Variants in CNBD1 observed in about 807,000 individuals in gnomAD.
CNBD1 encodes the protein cyclic nucleotide binding domain containing 1.
A neutral mutation model predicts 54.4 loss-of-function variants in CNBD1; 71 were observed. The observed-to-expected ratio is 1.30, with a 90% CI of 1.08 to 1.59. CNBD1 has a LOEUF of 1.59. Ranked by LOEUF, CNBD1 falls within the 40% of genes most tolerant of loss-of-function variation. The probability of loss-of-function intolerance (pLI) is 0.00; values close to 1 mark genes in which losing one functional copy is unlikely to be tolerated. For synonymous variants in CNBD1, 182 were observed against 170.7 expected, an observed-to-expected ratio of 1.07 and a Z score of -0.51; for missense variants, 659 against 518.0, an observed-to-expected ratio of 1.27 and a Z score of -2.64.
intron 2 of CNBD1, among the ~76,000 whole-genome samples, chr8:87,422,220 A>G (rs1353934714): frequency 6.8e-6 from 1 of 146,978 alleles, no homozygotes; most frequent in Non-Finnish European, 1.5e-5. Flanking sequence ...CCCATTTTGT[A>G]GGTTGCCTGT....
chr8:87,045,519 A>G (rs7813296), intron 4 of CNBD1, among the ~76,000 whole-genome samples: 32,911 of 151,738 alleles, frequency 0.22, 3,635 homozygotes, highest in Non-Finnish European at 0.23. Flanking sequence ...AGGTCAGGAG[A>G]TCAAGACCAT....
chr8:86,961,655 C>G (rs1439236692), intron 4 of CNBD1, among the ~76,000 whole-genome samples: 1 of 152,190 alleles, frequency 6.6e-6, no homozygotes, highest in Non-Finnish European at 1.5e-5. Context: ...TGTCTCTGAC[C>G]TTAGGTAGGC....
At chr8:87,272,081 G>T (rs969509562) in intron 6 of CNBD1, among the ~76,000 whole-genome samples, 19 of 151,986 alleles carry the variant, frequency 1.3e-4, no homozygotes, top group African/African-American at 4.6e-4. Flanking sequence ...GGTTATCAGA[G>T]GCCAAGAAGG....
At chr8:86,904,834 A>G (rs1240774732) in intron 2 of CNBD1, among the ~76,000 whole-genome samples, 2 of 152,122 alleles carry the variant, frequency 1.3e-5, no homozygotes, top group Non-Finnish European at 2.9e-5. Context: ...AAAAAGACTG[A>G]ACTTCAAAAA....
rs181549350 is a variant in CNBD1, at chr8:87,162,948, A to G, written c.432-43045A>G. On this transcript the variant is annotated intron_variant, in intron 4 of 10. Transcript: ENST00000518476. ...GTCCCCTTATAAAAAGACTTGATAGAAAGAGTTTGTCTCATTTTTCCTTTC... is the reference window on the plus strand; with the variant it reads ...GTCCCCTTATAAAAAGACTTGATAGGAAGAGTTTGTCTCATTTTTCCTTTC... Among the ~76,000 whole-genome samples, 25 of 152,134 alleles carry G rather than the reference A, an allele frequency of 1.6e-4. No individual in the cohort carries two copies. In the East Asian group the frequency reaches 4.9e-3, roughly 30 times the overall value.
chr8:87,251,513 G>A lies in CNBD1; in HGVS notation c.771+14401G>A, dbSNP rs184175407. Among the ~76,000 whole-genome samples the A allele has an allele frequency of 5.9e-3, 888 of 151,776 alleles. 5 individuals are homozygous for A. Among genetic ancestry groups the A allele is most frequent in the African/African-American group, 0.011 (457 of 41,362 alleles). ...TGAGGCAGGAGAATCACTTGAACCC[G>A]GGAGGCAGAGGTTGCAGTGAGCCAA... On this transcript the variant is annotated intron_variant, in intron 6 of 10. Coordinates refer to ENST00000518476, the MANE Select transcript of CNBD1 (RefSeq NM_173538.3).
At chr8:87,267,082 C>T (rs1808273768) in intron 6 of CNBD1, among the ~76,000 whole-genome samples, 1 of 152,092 alleles carries the variant, frequency 6.6e-6, no homozygotes, top group Non-Finnish European at 1.5e-5. Context: ...AAGGCACACA[C>T]TGAGTGAAGA....
intron 3 of CNBD1, among the ~76,000 whole-genome samples, chr8:86,924,708 A>G (rs551937773): frequency 4.6e-5 from 7 of 152,310 alleles, no homozygotes; most frequent in South Asian, 4.1e-4. Flanking sequence ...ATTATTTTAT[A>G]AATACTTATT....
chr8:87,330,592 T>C (rs1165280336), intron 8 of CNBD1, among the ~76,000 whole-genome samples: 1 of 152,158 alleles, frequency 6.6e-6, no homozygotes, highest in Non-Finnish European at 1.5e-5. Context: ...TTTTCAGTTG[T>C]TCTGGATATC....
Position 87,163,258 on chromosome 8 carries a change from G to T in CNBD1, c.432-42735G>T, listed in dbSNP as rs1812894151. Among the ~76,000 whole-genome samples the T allele has an allele frequency of 6.6e-6, 1 of 151,920 alleles. No individual in the cohort carries two copies. Among genetic ancestry groups the T allele is most frequent in the Admixed American group, 6.6e-5 (1 of 15,216 alleles). ...ATAATTTGAAATCAGGAAGTGTGAT[G>T]TCCCCAGCTTTGTTTTTCTTGCTCA... On this transcript the variant is annotated intron_variant, in intron 4 of 10. Transcript: ENST00000518476. The surrounding 1 kb of genome is among the most constrained non-coding windows in gnomAD (Gnocchi z 4.5).
At chr8:87,301,786 T>TA (rs1372887593) in intron 8 of CNBD1, among the ~76,000 whole-genome samples, 6 of 151,620 alleles carry the variant, frequency 4.0e-5, no homozygotes, top group Non-Finnish European at 5.9e-5. Context: ...ATAGAGGAAA[T>TA]AAAAAATGAT....
chr8:86,966,092 T>C (rs1210295696), intron 4 of CNBD1, among the ~76,000 whole-genome samples: 1 of 152,156 alleles, frequency 6.6e-6, no homozygotes, highest in African/African-American at 2.4e-5. Flanking sequence ...TGGTTGGCCA[T>C]GGGTGGGCCC....
At chr8:87,275,876 C>G (rs1245186329) in intron 6 of CNBD1, among the ~76,000 whole-genome samples, 3 of 151,880 alleles carry the variant, frequency 2.0e-5, no homozygotes, top group African/African-American at 7.3e-5. Context: ...TCAGCAAAGT[C>G]TCAGGATACA....
chr8:87,159,261 C>T (rs918980739), intron 4 of CNBD1, among the ~76,000 whole-genome samples: 1 of 152,070 alleles, frequency 6.6e-6, no homozygotes, highest in Admixed American at 6.6e-5. Context: ...AGTGGCCTTT[C>T]TTGATTTAAA....
chr8:87,000,157 A>T (rs1476417467), intron 4 of CNBD1, among the ~76,000 whole-genome samples: 1 of 152,030 alleles, frequency 6.6e-6, no homozygotes, highest in African/African-American at 2.4e-5. Context: ...ATGCTGAGAG[A>T]GGGACCCAGG....
intron 5 of CNBD1, among the ~76,000 whole-genome samples, chr8:87,220,323 C>T (rs984489963): frequency 6.6e-6 from 1 of 151,848 alleles, no homozygotes; most frequent in East Asian, 1.9e-4. Flanking sequence ...GTCCTCTGAC[C>T]AGTCACCTCA....
chr8:87,244,041 C>T (rs968647581), intron 6 of CNBD1, among the ~76,000 whole-genome samples: 6 of 151,996 alleles, frequency 3.9e-5, no homozygotes, highest in South Asian at 2.1e-4. Flanking sequence ...GTTAAACATG[C>T]GCACCCATGA....
intron 4 of CNBD1, among the ~76,000 whole-genome samples, chr8:87,022,788 C>T (rs1331312874): frequency 6.6e-6 from 1 of 152,142 alleles, no homozygotes; most frequent in African/African-American, 2.4e-5. Flanking sequence ...CAAATATCAA[C>T]TGATAATGGT....
chr8:87,263,922 C>T (rs1808194943), intron 6 of CNBD1, among the ~76,000 whole-genome samples: 1 of 151,994 alleles, frequency 6.6e-6, no homozygotes, highest in Non-Finnish European at 1.5e-5. Flanking sequence ...AATATCAAAT[C>T]TTATTATACT....
Sources: gnomAD v4.1 joint callset for allele counts (sites outside exome capture counted in the v4.1 genomes callset) on GRCh38, gnomAD v4.1.1 for gene constraint, Gnocchi (gnomAD v3.1) non-coding constraint, MANE v1.5 for transcripts, NCBI Gene and HGNC (gene_info 2026-07-23, HGNC 2026-07-21) for gene names.